Variants in APOC1 observed in about 807,000 individuals in gnomAD.
APOC1 encodes apolipoprotein C-I.
A neutral mutation model predicts 6.7 loss-of-function variants in APOC1; 4 were observed. The ratio of observed to expected loss-of-function variants is 0.60; its 90% CI spans 0.29 to 1.37. APOC1 has a LOEUF of 1.37. Ranked by LOEUF, APOC1 falls within the 40% of genes most tolerant of loss-of-function variation. APOC1 has a pLI of 0.09. For missense variants in APOC1, 122 were observed against 99.4 expected (o/e 1.23, Z -0.97); for synonymous variants, 33 against 40.6 (o/e 0.81, Z 0.72).
Position 44,914,886 on chromosome 19 carries a change from C to T in APOC1, c.-6C>T. On this transcript the variant is annotated 5_prime_UTR_variant, in exon 2 of 4. Transcript: ENST00000592535. ...TCTGCCTCCAGAGTGCCCCTCCGGC[C>T]TCGCCATGAGGCTCTTCCTGTCGCT... 9 of 1,613,788 alleles carry T rather than the reference C, an allele frequency of 5.6e-6. No homozygotes were observed. The highest frequency in any genetic ancestry group is 7.6e-6 in the Non-Finnish European group (9 of 1,179,850).
intron 2 of APOC1, 150 bp from the exon 3 acceptor site, chr19:44,916,040 G>A: frequency 1.2e-6 from 1 of 844,450 alleles, no homozygotes; most frequent in East Asian, 2.9e-5. Context: ...GGGAGGCTGA[G>A]GCAGGAGAAC....
chr19:44,919,231 G>A lies in APOC1; in HGVS notation c.*1G>A. On this transcript the variant is annotated 3_prime_UTR_variant, in exon 4 of 4. Coordinates refer to ENST00000592535, the MANE Select transcript of APOC1 (RefSeq NM_001645.5). Reference sequence around the variant, plus strand: ...GGAGAAACTCAAGATTGACTCATGAGGACCTGAAGGGTGACATCCCAGGAG... The same window carrying A: ...GGAGAAACTCAAGATTGACTCATGAAGACCTGAAGGGTGACATCCCAGGAG... 6.2e-7 allele frequency: 1 copy of A among 1,613,806 alleles called. No homozygotes were observed. Among genetic ancestry groups the A allele is most frequent in the Non-Finnish European group, 8.5e-7 (1 of 1,179,750 alleles).
Position 44,915,385 on chromosome 19 carries a change from G to T in APOC1, c.58+436G>T, listed in dbSNP as rs1969986410. On this transcript the variant is annotated intron_variant, in intron 2 of 3. Coordinates refer to ENST00000592535, the MANE Select transcript of APOC1 (RefSeq NM_001645.5). ...GTCGCCGAGGCTGGAGTGCAGTGGC[G>T]CGATCTCGGCTCACTGCAAGCTCCG... Among the ~76,000 whole-genome samples the T allele has an allele frequency of 2.0e-5, 3 of 147,894 alleles. 1 individual carries two copies. The highest frequency in any genetic ancestry group is 6.8e-5 in the Admixed American group (1 of 14,712).
intron 3 of APOC1, among the ~76,000 whole-genome samples, chr19:44,916,947 T>C (rs1599961591): frequency 1.4e-5 from 2 of 144,606 alleles, no homozygotes; most frequent in South Asian, 4.4e-4. Context: ...CTGACCAACA[T>C]GGCGAGATCC....
intron 3 of APOC1, 122 bp downstream of exon 3, chr19:44,916,447 C>CTGG (rs1354823881): frequency 1.1e-5 from 14 of 1,285,856 alleles, no homozygotes; most frequent in Non-Finnish European, 1.5e-5. Flanking sequence ...CAACATCCCT[C>CTGG]TGGTCACACA....
chr19:44,916,080 T>G, intron 2 of APOC1, 110 bp from the exon 3 acceptor site: 1 of 1,275,766 alleles, frequency 7.8e-7, no homozygotes, highest in South Asian at 1.7e-5. Context: ...GTGGTTGCAG[T>G]AGGCCGAGAT....
chr19:44,916,145 A>AAAAAAAAAAC (rs1970000659), intron 2 of APOC1, 45 bp from the exon 3 acceptor site: 2 of 1,498,976 alleles, frequency 1.3e-6, no homozygotes, highest in Non-Finnish European at 1.8e-6. Context: ...TCCAAAAAAA[A>AAAAAAAAAAC]AAAAAAAAAA....
intron 3 of APOC1, 69 bp from the exon 4 acceptor site, chr19:44,919,104 G>C (rs1970057522): frequency 1.5e-6 from 2 of 1,312,822 alleles, no homozygotes; most frequent in Admixed American, 1.7e-5. Flanking sequence ...GAGTCAGGTA[G>C]CAGGCAGAAT....
At chr19:44,918,542 A>G (rs1970047982) in intron 3 of APOC1, among the ~76,000 whole-genome samples, 1 of 150,724 alleles carries the variant, frequency 6.6e-6, no homozygotes, top group Non-Finnish European at 1.5e-5. Flanking sequence ...TTGTATTCTT[A>G]GTAGAATGTA....
At chr19:44,916,985 A>G (rs1419836791) in intron 3 of APOC1, among the ~76,000 whole-genome samples, 5 of 150,060 alleles carry the variant, frequency 3.3e-5, no homozygotes, top group African/African-American at 1.2e-4. Context: ...AAAAAAAAAA[A>G]GATGGTTTTG....
In APOC1 at chr19:44,916,255, AAC is replaced by A. The variant is rs756665290; in HGVS notation, c.129_130del (p.Leu44GlyfsTer15). The A allele has an allele frequency of 2.2e-5, 36 of 1,613,860 alleles. 1 individual carries two copies. In the South Asian group the frequency reaches 3.5e-4, roughly 16 times the overall value. On this transcript the variant is annotated frameshift_variant, in exon 3 of 4. Transcript: ENST00000592535. LOFTEE classifies it high-confidence loss of function. ...CTTGGATAAGCTGAAGGAGTTTGGA[AAC>A]ACACTGGAGGACAAGGCTCGGGAAC... is the stretch of plus-strand genomic sequence containing the variant. ...SALDKLKEFG[N>X]TLEDKARELI...
intron 2 of APOC1, 103 bp downstream of exon 2, chr19:44,915,052 C>T: frequency 7.6e-7 from 1 of 1,323,398 alleles, no homozygotes; most frequent in Non-Finnish European, 1.1e-6. Context: ...GCTCCGGGGC[C>T]CCTTCTGGGT....
chr19:44,916,399 G>T (rs1346181988), intron 3 of APOC1, 74 bp downstream of exon 3: 2 of 1,571,466 alleles, frequency 1.3e-6, no homozygotes, highest in Non-Finnish European at 1.7e-6. Context: ...GGTCCAAGAT[G>T]AACAGATTGA....
intron 2 of APOC1, 149 bp downstream of exon 2, chr19:44,915,098 G>A: frequency 1.3e-6 from 1 of 787,300 alleles, no homozygotes. Flanking sequence ...GGGTCTCCAG[G>A]TTCTCCCAGG....
At chr19:44,915,504 G>A (rs991026784) in intron 2 of APOC1, among the ~76,000 whole-genome samples, 4 of 150,874 alleles carry the variant, frequency 2.7e-5, no homozygotes, top group African/African-American at 9.7e-5. Context: ...TAGAGACAGG[G>A]TTTCACCGTG....
chr19:44,916,335 C>G lies in APOC1; in HGVS notation c.194+10C>G. The stretch of plus-strand genomic sequence containing the variant: ...TTTCTGCCAAGATGCGGTTAGAACC[C>G]TTCCCAGGGCACGGGAGAGCTGGGG... On this transcript the variant is annotated intron_variant, in intron 3 of 3. Transcript: ENST00000592535. 6.2e-7 allele frequency: 1 copy of G among 1,613,366 alleles called. No homozygotes were observed. The highest frequency in any genetic ancestry group is 8.5e-7 in the Non-Finnish European group (1 of 1,179,932).
Position 44,914,752 on chromosome 19 carries a change from G to T in APOC1, c.-21+19G>T. The T allele has an allele frequency of 2.4e-6, 2 of 830,606 alleles. No homozygotes were observed. Among genetic ancestry groups the T allele is most frequent in the Non-Finnish European group, 1.9e-6 (1 of 516,268 alleles). The allele number at this position is 830,606 out of a possible 1,614,324, so 51.5% of individuals were successfully genotyped here. A position where few individuals can be genotyped will look rare whatever the true frequency, so the allele number is the denominator to read the frequency against. ...GATTCAGGTTGGTGCTGAGTGCCTGGGAGGGACACCCGCCTACACTCTGCA... is the reference window on the plus strand; with the variant it reads ...GATTCAGGTTGGTGCTGAGTGCCTGTGAGGGACACCCGCCTACACTCTGCA... On this transcript the variant is annotated intron_variant, in intron 1 of 3. Coordinates refer to ENST00000592535, the MANE Select transcript of APOC1 (RefSeq NM_001645.5).
intron 3 of APOC1, 30 bp downstream of exon 3, chr19:44,916,355 C>T (rs370058972): frequency 1.2e-6 from 2 of 1,611,320 alleles, no homozygotes; most frequent in African/African-American, 1.3e-5. Context: ...CACGGGAGAG[C>T]TGGGGTGTGT....
At chr19:44,918,895 G>C (rs1043463210) in intron 3 of APOC1, 1 of 438,716 alleles carries the variant, frequency 2.3e-6, no homozygotes, top group African/African-American at 2.0e-5. Context: ...CTGACCTCAA[G>C]TGATCAGCCT....
Sources: gnomAD v4.1 joint callset for allele counts (sites outside exome capture counted in the v4.1 genomes callset) on GRCh38, gnomAD v4.1.1 for gene constraint, MANE v1.5 for transcripts, NCBI Gene and HGNC (gene_info 2026-07-23, HGNC 2026-07-21) for gene names.